Variants in LRRC4C observed in about 807,000 individuals in gnomAD.
The protein encoded by LRRC4C is leucine rich repeat containing 4C.
A neutral mutation model predicts 33.6 loss-of-function variants in LRRC4C; 5 were observed. The ratio of observed to expected loss-of-function variants is 0.15; its 90% CI spans 0.08 to 0.31. The LOEUF is 0.31. Ranked by LOEUF, LRRC4C falls within the 10% of genes least tolerant of loss-of-function variation. The pLI is 1.00. For synonymous variants in LRRC4C, 329 were observed against 302.0 expected (o/e 1.09, Z -0.93); for missense variants, 560 against 796.7 (o/e 0.70, Z 3.58).
At chr11:40,355,653 G>A in intron 3 of LRRC4C, among the ~76,000 whole-genome samples, 1 of 152,244 alleles carries the variant, frequency 6.6e-6, no homozygotes, top group East Asian at 1.9e-4. Flanking sequence ...CCTCCCGCAA[G>A]CACAGATTCT....
intron 2 of LRRC4C, among the ~76,000 whole-genome samples, chr11:40,665,529 CT>C (rs1412426037): frequency 6.6e-6 from 1 of 151,238 alleles, no homozygotes; most frequent in Non-Finnish European, 1.5e-5. Context: ...TACCATGACT[CT>C]TTCAGAGAAT....
Position 41,204,855 on chromosome 11 carries a change from C to T in LRRC4C, c.-496+254576G>A, listed in dbSNP as rs139128585. On this transcript the variant is annotated intron_variant, in intron 1 of 6. Transcript: ENST00000528697. ...TGAAGAGAAGCAATACACAAGTAAC[C>T]AGATACATAAACAAGATGATTGTAA... Among the ~76,000 whole-genome samples the T allele has an allele frequency of 6.1e-3, 932 of 152,074 alleles. 13 individuals are homozygous for T. The highest frequency in any genetic ancestry group is 0.021 in the African/African-American group (876 of 41,472).
intron 2 of LRRC4C, among the ~76,000 whole-genome samples, chr11:40,904,091 G>T (rs997504262): frequency 3.3e-5 from 5 of 152,154 alleles, no homozygotes; most frequent in African/African-American, 9.7e-5. Flanking sequence ...ATCCAATGAG[G>T]AGTTACTTCT....
At chr11:40,789,588 T>A (rs1950550180) in intron 2 of LRRC4C, among the ~76,000 whole-genome samples, 1 of 144,740 alleles carries the variant, frequency 6.9e-6, no homozygotes, top group Non-Finnish European at 1.5e-5. Context: ...TTCAGATATA[T>A]TTTTAAAATG....
chr11:40,509,018 A>G (rs1403108032), intron 3 of LRRC4C, among the ~76,000 whole-genome samples: 4 of 152,204 alleles, frequency 2.6e-5, no homozygotes, highest in African/African-American at 9.6e-5. Flanking sequence ...ACGAGGAAAT[A>G]TATGTTGACA....
intron 1 of LRRC4C, among the ~76,000 whole-genome samples, chr11:41,085,056 G>T (rs1014674029): frequency 6.6e-6 from 1 of 152,144 alleles, no homozygotes; most frequent in Non-Finnish European, 1.5e-5. Context: ...TTATTTGCAT[G>T]TATAACTCCT....
At chr11:40,456,365 C>T (rs541538158) in intron 3 of LRRC4C, among the ~76,000 whole-genome samples, 2 of 151,812 alleles carry the variant, frequency 1.3e-5, no homozygotes, top group African/African-American at 2.4e-5. Flanking sequence ...CTGTAATAAA[C>T]ATTTGAGTGG....
intron 1 of LRRC4C, among the ~76,000 whole-genome samples, chr11:41,239,651 TCTG>T (rs1948171436): frequency 6.6e-6 from 1 of 152,148 alleles, no homozygotes; most frequent in African/African-American, 2.4e-5. Context: ...TTCTGTCCAT[TCTG>T]TCATATTTTT....
At chr11:40,836,708 G>A (rs1453229442) in intron 2 of LRRC4C, among the ~76,000 whole-genome samples, 1 of 152,104 alleles carries the variant, frequency 6.6e-6, no homozygotes, top group African/African-American at 2.4e-5. Flanking sequence ...TTTGCTAGAT[G>A]TCCTACAGCA....
chr11:40,623,374 A>G (rs1962641260), intron 3 of LRRC4C, among the ~76,000 whole-genome samples: 1 of 152,042 alleles, frequency 6.6e-6, no homozygotes, highest in South Asian at 2.1e-4. Context: ...AGTTCTAAAG[A>G]TTGTCTTGAT....
intron 5 of LRRC4C, among the ~76,000 whole-genome samples, chr11:40,158,311 AGT>A (rs780886505): frequency 2.5e-4 from 38 of 152,152 alleles, no homozygotes; most frequent in Non-Finnish European, 4.7e-4. Context: ...AATATGGTGC[AGT>A]GTATACTGCT....
intron 1 of LRRC4C, among the ~76,000 whole-genome samples, chr11:41,384,656 C>T (rs1953285901): frequency 3.3e-5 from 5 of 151,166 alleles, no homozygotes. Flanking sequence ...ACTCTGAAGA[C>T]CTACTAAGTG....
chr11:41,217,994 T>C (rs540975598), intron 1 of LRRC4C, among the ~76,000 whole-genome samples: 1 of 152,328 alleles, frequency 6.6e-6, no homozygotes, highest in Non-Finnish European at 1.5e-5. Flanking sequence ...TTAAATGTTA[T>C]TTTGGTGATA....
At chr11:40,680,243 C>G (rs536211059) in intron 2 of LRRC4C, among the ~76,000 whole-genome samples, 32 of 152,308 alleles carry the variant, frequency 2.1e-4, no homozygotes, top group African/African-American at 7.7e-4. Flanking sequence ...TAGGAAGTAA[C>G]TAACTTGCTT....
intron 1 of LRRC4C, among the ~76,000 whole-genome samples, chr11:41,002,884 T>C (rs1057265440): frequency 2.6e-5 from 4 of 152,260 alleles, no homozygotes; most frequent in African/African-American, 9.6e-5. Context: ...AAAATATGCA[T>C]AGAAAAACAA....
chr11:40,789,518 A>G (rs1309210999), intron 2 of LRRC4C, among the ~76,000 whole-genome samples: 2 of 152,102 alleles, frequency 1.3e-5, no homozygotes, highest in African/African-American at 4.8e-5. Context: ...CTCTGTTTTA[A>G]TTGACATCCT....
intron 1 of LRRC4C, among the ~76,000 whole-genome samples, chr11:41,015,515 T>C (rs1029705681): frequency 6.6e-6 from 1 of 152,020 alleles, no homozygotes; most frequent in Non-Finnish European, 1.5e-5. Context: ...GGTTTCACCA[T>C]GTTGGTCAGT....
intron 3 of LRRC4C, among the ~76,000 whole-genome samples, chr11:40,620,763 C>A: frequency 6.6e-6 from 1 of 151,912 alleles, no homozygotes; most frequent in Middle Eastern, 3.4e-3. Context: ...ATTTAGCGAA[C>A]ATCTTTGCAG....
intron 3 of LRRC4C, among the ~76,000 whole-genome samples, chr11:40,444,993 G>C (rs887172553): frequency 4.6e-5 from 7 of 152,184 alleles, no homozygotes; most frequent in Non-Finnish European, 1.0e-4. Context: ...TTAGTGATCA[G>C]TTACCACTAG....
Sources: gnomAD v4.1 joint callset for allele counts (sites outside exome capture counted in the v4.1 genomes callset) on GRCh38, gnomAD v4.1.1 for gene constraint, MANE v1.5 for transcripts, NCBI Gene and HGNC (gene_info 2026-07-23, HGNC 2026-07-21) for gene names.